PTPRT: variants seen among roughly 807,000 people sequenced by gnomAD.
PTPRT encodes receptor-type tyrosine-protein phosphatase T.
Under a neutral mutation model 176.8 loss-of-function variants are expected in PTPRT, and 56 were observed. That is an observed-to-expected ratio of 0.32 (90% CI 0.26 to 0.40). The LOEUF is 0.40. PTPRT is among the 10% of genes least tolerant of loss of function. PTPRT has a pLI of 1.00. For missense variants in PTPRT, 1,540 were observed against 1,908.2 expected (o/e 0.81, Z 3.60); for synonymous variants, 783 against 739.0 (o/e 1.06, Z -0.96).
chr20:42,161,101 A>T (rs1264833426), intron 17 of PTPRT, among the ~76,000 whole-genome samples: 3 of 152,172 alleles, frequency 2.0e-5, no homozygotes, highest in Non-Finnish European at 2.9e-5. Flanking sequence ...CAAGAGTGAA[A>T]AAGGATGTCT....
intron 6 of PTPRT, among the ~76,000 whole-genome samples, chr20:42,749,251 C>A (rs2076735450): frequency 6.6e-6 from 1 of 152,166 alleles, no homozygotes; most frequent in African/African-American, 2.4e-5. Context: ...AAAGACTCTG[C>A]AAATGTCCCC....
intron 1 of PTPRT, among the ~76,000 whole-genome samples, chr20:43,120,983 A>G (rs961766246): frequency 1.4e-4 from 22 of 152,212 alleles, no homozygotes; most frequent in African/African-American, 4.8e-4. Context: ...ACATCGCAGA[A>G]GCTCCCTTCA....
intron 2 of PTPRT, among the ~76,000 whole-genome samples, chr20:42,841,031 T>TGACA (rs1161606256): frequency 6.6e-6 from 1 of 152,182 alleles, no homozygotes; most frequent in African/African-American, 2.4e-5. Flanking sequence ...GCAAGGCTAC[T>TGACA]GACAGCCTGC....
the PTPRT span, among the ~76,000 whole-genome samples, chr20:42,036,622 A>C: frequency 6.6e-6 from 1 of 152,220 alleles, no homozygotes; most frequent in East Asian, 1.9e-4. Context: ...CCCGAAGAGC[A>C]CTTAAAAGTC....
intron 27 of PTPRT, among the ~76,000 whole-genome samples, chr20:42,091,845 T>C (rs1349456181): frequency 1.3e-5 from 2 of 152,184 alleles, no homozygotes; most frequent in African/African-American, 4.8e-5. Context: ...CTCCTCATTG[T>C]ATCCTTCCAG....
chr20:42,403,831 G>A (rs531341930), intron 9 of PTPRT, among the ~76,000 whole-genome samples: 1 of 152,082 alleles, frequency 6.6e-6, no homozygotes. Context: ...GTTGGTACAG[G>A]TGACCTATTC....
At chr20:42,436,088 C>T (rs1165005296) in intron 9 of PTPRT, among the ~76,000 whole-genome samples, 1 of 152,110 alleles carries the variant, frequency 6.6e-6, no homozygotes, top group African/African-American at 2.4e-5. Context: ...TCACCCTATG[C>T]AAAAATTAAT....
intron 1 of PTPRT, among the ~76,000 whole-genome samples, chr20:42,976,288 C>T (rs1016899224): frequency 6.6e-6 from 1 of 152,180 alleles, no homozygotes; most frequent in Non-Finnish European, 1.5e-5. Flanking sequence ...CAAAGGATAC[C>T]TAACTGTATA....
intron 1 of PTPRT, among the ~76,000 whole-genome samples, chr20:43,036,606 T>C (rs1176813313): frequency 6.6e-6 from 1 of 152,196 alleles, no homozygotes; most frequent in Non-Finnish European, 1.5e-5. Flanking sequence ...GATTAAATTC[T>C]ACAGCTCACA....
intron 16 of PTPRT, among the ~76,000 whole-genome samples, chr20:42,174,574 C>G (rs1404355578): frequency 6.6e-6 from 1 of 152,172 alleles, no homozygotes; most frequent in Non-Finnish European, 1.5e-5. Flanking sequence ...CAAAGTGGGG[C>G]CCTGTGTTGA....
intron 1 of PTPRT, among the ~76,000 whole-genome samples, chr20:43,042,542 T>TA (rs1986650262): frequency 6.6e-6 from 1 of 151,422 alleles, no homozygotes; most frequent in African/African-American, 2.4e-5. Flanking sequence ...TCAGGAAGAG[T>TA]CCCCCCTTGG....
chr20:42,196,882 A>G (rs1310405277), intron 16 of PTPRT, among the ~76,000 whole-genome samples: 1 of 152,252 alleles, frequency 6.6e-6, no homozygotes, highest in Non-Finnish European at 1.5e-5. Flanking sequence ...GCCATTATCT[A>G]ACCTTAAGAA....
intron 1 of PTPRT, among the ~76,000 whole-genome samples, chr20:42,889,069 C>T (rs116879784): frequency 0.023 from 3,578 of 152,266 alleles, 78 homozygotes; most frequent in Middle Eastern, 0.088. Context: ...TCCGTTGGAT[C>T]CATTGCCCAC....
At chr20:42,056,950 G>A in the PTPRT span, among the ~76,000 whole-genome samples, 3 of 152,122 alleles carry the variant, frequency 2.0e-5, no homozygotes, top group South Asian at 2.1e-4. Context: ...AGATCCCAGC[G>A]CAATCATCCC....
At chr20:42,989,635 G>A (rs750627292) in intron 1 of PTPRT, among the ~76,000 whole-genome samples, 3 of 152,190 alleles carry the variant, frequency 2.0e-5, no homozygotes, top group Non-Finnish European at 4.4e-5. Context: ...CCACAAGGAT[G>A]TTCCATCAAT....
At chr20:42,552,884 A>G (rs62203774) in intron 7 of PTPRT, among the ~76,000 whole-genome samples, 3,531 of 152,252 alleles carry the variant, frequency 0.023, 76 homozygotes, top group South Asian at 0.097. Context: ...TAAAACAATA[A>G]GATTTTTGAT....
At chr20:42,480,688 G>A (rs1356587284) in intron 7 of PTPRT, among the ~76,000 whole-genome samples, 1 of 152,142 alleles carries the variant, frequency 6.6e-6, no homozygotes, top group Non-Finnish European at 1.5e-5. Context: ...AATAGATACA[G>A]TACAGCATTG....
At chr20:42,686,767 C>T (rs1600607475) in intron 6 of PTPRT, among the ~76,000 whole-genome samples, 2 of 152,242 alleles carry the variant, frequency 1.3e-5, no homozygotes, top group Admixed American at 6.5e-5. Flanking sequence ...GCTGGGATTA[C>T]AGGCGTGAGC....
At chr20:42,131,749 C>G (rs1171536674) in intron 18 of PTPRT, among the ~76,000 whole-genome samples, 1 of 152,178 alleles carries the variant, frequency 6.6e-6, no homozygotes, top group Non-Finnish European at 1.5e-5. Context: ...TGGAGACAGA[C>G]TGTATGCAGA....
Sources: gnomAD v4.1 joint callset for allele counts (sites outside exome capture counted in the v4.1 genomes callset) on GRCh38, gnomAD v4.1.1 for gene constraint, MANE v1.5 for transcripts, NCBI Gene and HGNC (gene_info 2026-07-23, HGNC 2026-07-21) for gene names.